CSGALNACT1: variants seen among roughly 807,000 people sequenced by gnomAD.
The protein encoded by CSGALNACT1 is beta4GalNAcT-1.
CSGALNACT1 carries 52 observed loss-of-function variants against 51.0 expected under a neutral mutation model. The ratio of observed to expected loss-of-function variants is 1.02; its 90% CI spans 0.82 to 1.29. The LOEUF is 1.29. CSGALNACT1 is among the 50% of genes most tolerant of loss of function. The pLI is 0.00. For synonymous variants in CSGALNACT1, 341 were observed against 254.4 expected, an observed-to-expected ratio of 1.34 and a Z score of -3.24; for missense variants, 935 against 679.2, an observed-to-expected ratio of 1.38 and a Z score of -4.19.
intron 1 of CSGALNACT1, among the ~76,000 whole-genome samples, chr8:19,672,942 A>G (rs2154198952): frequency 6.6e-6 from 1 of 152,330 alleles, no homozygotes; most frequent in African/African-American, 2.4e-5. Context: ...GCCAATGGAA[A>G]CCTCTGAGTT....
intron 1 of CSGALNACT1, among the ~76,000 whole-genome samples, chr8:19,640,388 T>C (rs1564326295): frequency 6.6e-6 from 1 of 152,334 alleles, no homozygotes; most frequent in Middle Eastern, 3.4e-3. Context: ...CCTTGATTCC[T>C]GAAATTCTCC....
At chr8:19,741,549 T>G (rs1589782356) in intron 1 of CSGALNACT1, among the ~76,000 whole-genome samples, 11 of 96,654 alleles carry the variant, frequency 1.1e-4, no homozygotes, top group South Asian at 3.7e-4. Flanking sequence ...GGCGAAAGAG[T>G]GAGACTCCAT....
chr8:19,647,745 G>T (rs2057407351), intron 1 of CSGALNACT1, among the ~76,000 whole-genome samples: 2 of 152,194 alleles, frequency 1.3e-5, no homozygotes, highest in African/African-American at 4.8e-5. Context: ...TACGATACAG[G>T]ATATTAGATG....
intron 1 of CSGALNACT1, among the ~76,000 whole-genome samples, chr8:19,620,995 C>A: frequency 6.6e-6 from 1 of 152,058 alleles, no homozygotes; most frequent in Non-Finnish European, 1.5e-5. Flanking sequence ...AACTTAACAC[C>A]GTAAAAATGT....
At chr8:19,441,183 A>G (rs565594757) in intron 5 of CSGALNACT1, among the ~76,000 whole-genome samples, 1 of 152,328 alleles carries the variant, frequency 6.6e-6, no homozygotes, top group South Asian at 2.1e-4. Context: ...CCATCAAGCT[A>G]CCAATGACTT....
At chr8:19,663,175 C>A (rs1004733261) in intron 1 of CSGALNACT1, among the ~76,000 whole-genome samples, 1 of 152,088 alleles carries the variant, frequency 6.6e-6, no homozygotes, top group African/African-American at 2.4e-5. Flanking sequence ...GTTGGAGAAA[C>A]ATTTCCATGG....
At chr8:19,727,589 G>A (rs7843101) in intron 1 of CSGALNACT1, among the ~76,000 whole-genome samples, 20,766 of 152,168 alleles carry the variant, frequency 0.14, 1,583 homozygotes, top group Middle Eastern at 0.16. Flanking sequence ...GGGCTGAAGC[G>A]ATCCAACCGC....
intron 1 of CSGALNACT1, among the ~76,000 whole-genome samples, chr8:19,607,861 C>T (rs2051616670): frequency 6.6e-6 from 1 of 152,124 alleles, no homozygotes; most frequent in Admixed American, 6.6e-5. Context: ...CACTCCTAGC[C>T]AAGAATCCCT....
At chr8:19,751,939 T>C (rs1025748303) in intron 1 of CSGALNACT1, among the ~76,000 whole-genome samples, 2 of 152,016 alleles carry the variant, frequency 1.3e-5, no homozygotes, top group Admixed American at 6.6e-5. Context: ...CTCAGGTAGT[T>C]CTTTACATCA....
At chr8:19,698,740 G>C (rs1367760652) in intron 1 of CSGALNACT1, among the ~76,000 whole-genome samples, 1 of 151,476 alleles carries the variant, frequency 6.6e-6, no homozygotes, top group African/African-American at 2.4e-5. Flanking sequence ...AAATGGTGCA[G>C]CTGCTATGGA....
intron 1 of CSGALNACT1, among the ~76,000 whole-genome samples, chr8:19,744,817 A>G (rs1222589018): frequency 6.6e-6 from 1 of 152,152 alleles, no homozygotes; most frequent in Non-Finnish European, 1.5e-5. Context: ...TACTCTTTCC[A>G]TACACCTTTA....
chr8:19,656,227 C>G (rs1388384173), intron 1 of CSGALNACT1, among the ~76,000 whole-genome samples: 1 of 152,154 alleles, frequency 6.6e-6, no homozygotes, highest in Non-Finnish European at 1.5e-5. Flanking sequence ...GCATGGCTGT[C>G]TCTCAGAAAC....
intron 4 of CSGALNACT1, among the ~76,000 whole-genome samples, chr8:19,460,261 GAGAGAGAGAGAGA>G (rs1563518238): frequency 6.6e-6 from 1 of 150,830 alleles, no homozygotes; most frequent in Non-Finnish European, 1.5e-5. Flanking sequence ...GGGAGACACA[GAGAGAGAGAGAGA>G]GAAAGAGACC....
intron 3 of CSGALNACT1, among the ~76,000 whole-genome samples, chr8:19,517,478 AG>A (rs1412682411): frequency 6.6e-6 from 1 of 152,142 alleles, no homozygotes; most frequent in African/African-American, 2.4e-5. Flanking sequence ...TATCTCTAGA[AG>A]GGTTAAAGTG....
intron 4 of CSGALNACT1, among the ~76,000 whole-genome samples, chr8:19,491,128 C>G (rs375088762): frequency 6.6e-6 from 1 of 151,544 alleles, no homozygotes; most frequent in Non-Finnish European, 1.5e-5. Context: ...TTTTCATCCC[C>G]TCGATCTTTT....
intron 1 of CSGALNACT1, among the ~76,000 whole-genome samples, chr8:19,639,009 A>G (rs2056431975): frequency 6.6e-6 from 1 of 152,110 alleles, no homozygotes; most frequent in Non-Finnish European, 1.5e-5. Context: ...ATGGCTCACC[A>G]ATAAAGAGGT....
intron 3 of CSGALNACT1, among the ~76,000 whole-genome samples, chr8:19,539,045 A>G (rs2084445138): frequency 1.3e-5 from 2 of 152,186 alleles, no homozygotes; most frequent in South Asian, 2.1e-4. Context: ...ACTCTGTATC[A>G]CATTTTGTTA....
At chr8:19,511,934 G>A (rs112759321) in intron 3 of CSGALNACT1, among the ~76,000 whole-genome samples, 50 of 152,218 alleles carry the variant, frequency 3.3e-4, no homozygotes, top group East Asian at 5.8e-4. Context: ...CAGATCTTGC[G>A]AAAACTCACT....
intron 1 of CSGALNACT1, among the ~76,000 whole-genome samples, chr8:19,608,209 A>G (rs2051672995): frequency 6.6e-6 from 1 of 152,234 alleles, no homozygotes; most frequent in South Asian, 2.1e-4. Context: ...GATCAAGAAT[A>G]GCTCGTCTAG....
Sources: gnomAD v4.1 joint callset for allele counts (sites outside exome capture counted in the v4.1 genomes callset) on GRCh38, gnomAD v4.1.1 for gene constraint, MANE v1.5 for transcripts, NCBI Gene and HGNC (gene_info 2026-07-23, HGNC 2026-07-21) for gene names.